Variants in ARHGAP24 observed in about 807,000 individuals in gnomAD.
The protein encoded by ARHGAP24 is rho GTPase-activating protein 24.
ARHGAP24 carries 50 observed loss-of-function variants against 76.4 expected under a neutral mutation model. The ratio of observed to expected loss-of-function variants is 0.65; its 90% CI spans 0.52 to 0.83. ARHGAP24 has a LOEUF of 0.83. Among genes scored for constraint, ARHGAP24 ranks in the 40% least tolerant of loss-of-function variants. The probability of loss-of-function intolerance (pLI) is 0.00; values close to 1 mark genes in which losing one functional copy is unlikely to be tolerated. For synonymous variants in ARHGAP24, 345 were observed against 323.3 expected, an observed-to-expected ratio of 1.07 and a Z score of -0.72; for missense variants, 930 against 914.2, an observed-to-expected ratio of 1.02 and a Z score of -0.22.
chr4:85,886,684 A>C (rs1477410839), intron 3 of ARHGAP24, among the ~76,000 whole-genome samples: 1 of 152,214 alleles, frequency 6.6e-6, no homozygotes, highest in Non-Finnish European at 1.5e-5. Context: ...AAGTGAATAC[A>C]TTAAACAATG....
chr4:85,910,579 G>T (rs1031324195), intron 3 of ARHGAP24, among the ~76,000 whole-genome samples: 1 of 152,028 alleles, frequency 6.6e-6, no homozygotes, highest in Non-Finnish European at 1.5e-5. Context: ...AGGTCGTCCC[G>T]TCATGTCTGC....
intron 2 of ARHGAP24, among the ~76,000 whole-genome samples, chr4:85,573,122 C>T (rs1443191226): frequency 2.0e-5 from 3 of 152,124 alleles, no homozygotes; most frequent in African/African-American, 7.2e-5. Context: ...GATGATCCAC[C>T]TGCCTCAGCC....
At chr4:85,769,465 G>T (rs1450460768) in intron 3 of ARHGAP24, among the ~76,000 whole-genome samples, 2 of 151,532 alleles carry the variant, frequency 1.3e-5, no homozygotes, top group Non-Finnish European at 2.9e-5. Context: ...TAGTAAATAT[G>T]GCAAAAAATG....
chr4:85,783,697 A>G (rs1481661577), intron 3 of ARHGAP24, among the ~76,000 whole-genome samples: 1 of 152,210 alleles, frequency 6.6e-6, no homozygotes, highest in African/African-American at 2.4e-5. Flanking sequence ...TTCTCATACT[A>G]AAGAAAACAG....
In ARHGAP24 at chr4:85,942,139, G is replaced by T; in HGVS notation, c.465G>T (p.Leu155Phe). 1 of 1,613,998 alleles carries T rather than the reference G, an allele frequency of 6.2e-7. No individual in the cohort carries two copies. The highest frequency in any genetic ancestry group is 8.5e-7 in the Non-Finnish European group (1 of 1,180,010). ...ATGGGAACCGTCTGGCTCCGATGTT[G>T]GTGGAGCAGTGCGTGGACTTTATCC... ...KRYGNRLAPM[L>F]VEQCVDFIRQ... Residue 155 changes from leucine (L) to phenylalanine (F), a missense_variant, in exon 5 of 10, where the codon TTG becomes TTT. Physicochemically the swap from Leu to Phe is conservative, Grantham distance 22 (BLOSUM62 0). Transcript: ENST00000395184.
intron 2 of ARHGAP24, among the ~76,000 whole-genome samples, chr4:85,672,928 A>C (rs1722858206): frequency 2.0e-5 from 3 of 152,256 alleles, no homozygotes; most frequent in African/African-American, 7.2e-5. Flanking sequence ...CCCTATCTTT[A>C]ACAATACATT....
Position 85,583,612 on chromosome 4 carries a change from A to C in ARHGAP24, c.180+12891A>C, listed in dbSNP as rs574429883. Among the ~76,000 whole-genome samples, 8 of 152,082 alleles carry C rather than the reference A, an allele frequency of 5.3e-5. No homozygotes were observed. In the South Asian group the frequency reaches 1.7e-3, roughly 32 times the overall value. ...CAAATGGGATCTAATTAAACTAAAG[A>C]GCTTCTGCACAGCAAAAGAAACTAC... is the stretch of plus-strand genomic sequence containing the variant. On this transcript the variant is annotated intron_variant, in intron 2 of 9. Coordinates refer to ENST00000395184, the MANE Select transcript of ARHGAP24 (RefSeq NM_001025616.3).
intron 2 of ARHGAP24, among the ~76,000 whole-genome samples, chr4:85,573,635 T>C (rs561229467): frequency 6.6e-6 from 1 of 152,318 alleles, no homozygotes; most frequent in African/African-American, 2.4e-5. Context: ...TAAAGAATCA[T>C]AACATCTAAA....
Position 85,623,914 on chromosome 4 carries a change from T to C in ARHGAP24, c.180+53193T>C, listed in dbSNP as rs533672448. On this transcript the variant is annotated intron_variant, in intron 2 of 9. Transcript: ENST00000395184. ...GTCTGTTATTGGTGTATAAGAATGC[T>C]TGTGATTTTTGCACAGTGATTTTGT... Among the ~76,000 whole-genome samples, 16 of 151,642 alleles carry C rather than the reference T, an allele frequency of 1.1e-4. No homozygotes were observed. The East Asian group carries it at 2.9e-3, about 28-fold the overall frequency.
chr4:85,789,398 A>T (rs183577145), intron 3 of ARHGAP24, among the ~76,000 whole-genome samples: 1 of 151,972 alleles, frequency 6.6e-6, no homozygotes, highest in African/African-American at 2.4e-5. Context: ...AGAGAGAATC[A>T]GTCCGCAGGT....
At chr4:85,965,438 C>G (rs897964210) in intron 5 of ARHGAP24, among the ~76,000 whole-genome samples, 2 of 152,080 alleles carry the variant, frequency 1.3e-5, no homozygotes, top group African/African-American at 2.4e-5. Flanking sequence ...TCATATCAGG[C>G]ACTATGTCCC....
intron 3 of ARHGAP24, among the ~76,000 whole-genome samples, chr4:85,757,414 T>C (rs1166594661): frequency 6.6e-6 from 1 of 151,750 alleles, no homozygotes; most frequent in African/African-American, 2.4e-5. Flanking sequence ...CCCCACCCTG[T>C]GTCCAAGTGT....
chr4:85,575,273 C>G (rs1204543043), intron 2 of ARHGAP24, among the ~76,000 whole-genome samples: 1 of 152,030 alleles, frequency 6.6e-6, no homozygotes, highest in Non-Finnish European at 1.5e-5. Flanking sequence ...TTTATAAAAA[C>G]AAACAGGAAG....
intron 2 of ARHGAP24, among the ~76,000 whole-genome samples, chr4:85,720,463 G>T (rs886725967): frequency 1.5e-4 from 23 of 152,224 alleles, no homozygotes; most frequent in African/African-American, 5.5e-4. Context: ...CTGAGCTGGG[G>T]AATACATAAT....
intron 2 of ARHGAP24, among the ~76,000 whole-genome samples, chr4:85,645,410 A>G (rs1721684384): frequency 6.6e-6 from 1 of 152,118 alleles, no homozygotes. Flanking sequence ...TGCATTAAAA[A>G]TCAGAGAATC....
At chr4:85,974,206 C>G (rs1739189797) in intron 6 of ARHGAP24, among the ~76,000 whole-genome samples, 1 of 152,060 alleles carries the variant, frequency 6.6e-6, no homozygotes, top group African/African-American at 2.4e-5. Context: ...TGTTAAATAA[C>G]ATTGTCTGTG....
intron 2 of ARHGAP24, among the ~76,000 whole-genome samples, chr4:85,698,374 T>C (rs1723946473): frequency 6.6e-6 from 1 of 152,176 alleles, no homozygotes; most frequent in African/African-American, 2.4e-5. Flanking sequence ...ATATAGAAAG[T>C]GGGCAGATCC....
intron 2 of ARHGAP24, among the ~76,000 whole-genome samples, chr4:85,676,911 G>T (rs1722999990): frequency 6.6e-6 from 1 of 152,168 alleles, no homozygotes; most frequent in African/African-American, 2.4e-5. Context: ...AAAGAAACAG[G>T]TGAGAGCAGG....
chr4:85,688,417 G>T (rs998798727), intron 2 of ARHGAP24, among the ~76,000 whole-genome samples: 2 of 151,888 alleles, frequency 1.3e-5, no homozygotes, highest in Non-Finnish European at 1.5e-5. Context: ...TTTTAAATGG[G>T]ATTATTTGTT....
Sources: gnomAD v4.1 joint callset for allele counts (sites outside exome capture counted in the v4.1 genomes callset) on GRCh38, gnomAD v4.1.1 for gene constraint, MANE v1.5 for transcripts, NCBI Gene and HGNC (gene_info 2026-07-23, HGNC 2026-07-21) for gene names.